LINGO2: variants seen among roughly 807,000 people sequenced by gnomAD.
LINGO2 encodes the protein leucine rich repeat and Ig domain containing 2, also known as leucine-rich repeat and immunoglobulin-like domain-containing nogo receptor-interacting protein 2.
In LINGO2, 14 loss-of-function variants were observed where a neutral mutation model predicts 30.6. That is an observed-to-expected ratio of 0.46 (90% CI 0.30 to 0.72). The LOEUF (loss-of-function observed/expected upper bound fraction) is 0.72. Among genes scored for constraint, LINGO2 ranks in the 30% least tolerant of loss-of-function variants. The pLI, the probability that LINGO2 is intolerant of heterozygous loss-of-function variation, is 0.07. For synonymous variants in LINGO2, 317 were observed against 288.5 expected (o/e 1.10, Z -1.00); for missense variants, 729 against 751.7 (o/e 0.97, Z 0.35).
chr9:28,161,103 C>T (rs1199613970), intron 4 of LINGO2, among the ~76,000 whole-genome samples: 2 of 152,162 alleles, frequency 1.3e-5, no homozygotes, highest in Non-Finnish European at 1.5e-5. Context: ...GGGCAAAATT[C>T]AAAGAATAAT....
At chr9:28,992,901 A>C in the LINGO2 span, among the ~76,000 whole-genome samples, 1 of 152,070 alleles carries the variant, frequency 6.6e-6, no homozygotes, top group Admixed American at 6.6e-5. Context: ...AAATGCCCAC[A>C]AGAGTAAGCA....
intron 1 of LINGO2, among the ~76,000 whole-genome samples, chr9:28,511,675 C>T (rs1820391606): frequency 6.6e-6 from 1 of 152,192 alleles, no homozygotes; most frequent in Non-Finnish European, 1.5e-5. Flanking sequence ...TCACATACCT[C>T]TTCCCCAAAT....
intron 3 of LINGO2, among the ~76,000 whole-genome samples, chr9:28,342,175 C>T (rs148594778): frequency 1.1e-3 from 174 of 152,238 alleles, no homozygotes; most frequent in African/African-American, 3.9e-3. Context: ...AAATCTGCCA[C>T]AAACCTCTCG....
At chr9:27,982,317 C>G (rs911496424) in intron 5 of LINGO2, among the ~76,000 whole-genome samples, 2 of 151,738 alleles carry the variant, frequency 1.3e-5, no homozygotes, top group Non-Finnish European at 2.9e-5. Context: ...GGAATGGGCT[C>G]TTTTGTATAA....
intron 4 of LINGO2, among the ~76,000 whole-genome samples, chr9:28,268,299 A>C (rs1471952559): frequency 6.6e-6 from 1 of 152,030 alleles, no homozygotes; most frequent in Admixed American, 6.6e-5. Flanking sequence ...ATTTTGAACT[A>C]GATTAGAAGA....
chr9:28,061,661 C>T (rs2133125563), intron 4 of LINGO2, among the ~76,000 whole-genome samples: 1 of 152,186 alleles, frequency 6.6e-6, no homozygotes, highest in East Asian at 1.9e-4. Context: ...ACAAGTTTCT[C>T]TCTAAAATTC....
chr9:28,561,791 C>T (rs1314289581), intron 1 of LINGO2, among the ~76,000 whole-genome samples: 19 of 91,684 alleles, frequency 2.1e-4, no homozygotes, highest in Non-Finnish European at 2.6e-4. Context: ...AAAAAATATG[C>T]TACTAGAACT....
chr9:28,964,497 G>T, the LINGO2 span, among the ~76,000 whole-genome samples: 1 of 151,902 alleles, frequency 6.6e-6, no homozygotes, highest in Non-Finnish European at 1.5e-5. Context: ...AGCTAGTTTG[G>T]GCAGACTATT....
At chr9:28,150,450 G>A (rs117530200) in intron 4 of LINGO2, among the ~76,000 whole-genome samples, 2,783 of 152,310 alleles carry the variant, frequency 0.018, 41 homozygotes, top group Non-Finnish European at 0.024. Context: ...CCGGCATGGC[G>A]GTTTGTGCCT....
chr9:28,024,434 G>GGCTCTTCT (rs775351789), intron 4 of LINGO2, among the ~76,000 whole-genome samples: 88 of 152,106 alleles, frequency 5.8e-4, no homozygotes, highest in Non-Finnish European at 7.5e-4. Context: ...ACAATCCAGT[G>GGCTCTTCT]GCTCTTCTTA....
At chr9:28,822,286 C>G in the LINGO2 span, among the ~76,000 whole-genome samples, 4 of 152,162 alleles carry the variant, frequency 2.6e-5, no homozygotes, top group African/African-American at 9.7e-5. Flanking sequence ...TCAAGTTTCT[C>G]AAGACATAAA....
At chr9:28,820,303 A>G in the LINGO2 span, among the ~76,000 whole-genome samples, 1 of 151,934 alleles carries the variant, frequency 6.6e-6, no homozygotes, top group Non-Finnish European at 1.5e-5. Context: ...TGTGTCACCC[A>G]CTGAGCAAGC....
chr9:28,625,034 C>T (rs1188014357), intron 1 of LINGO2, among the ~76,000 whole-genome samples: 2 of 152,076 alleles, frequency 1.3e-5, no homozygotes, highest in African/African-American at 2.4e-5. Flanking sequence ...CGAAGACCAG[C>T]CCAGCACTAG....
chr9:28,575,913 T>A (rs1428771825), intron 1 of LINGO2, among the ~76,000 whole-genome samples: 2 of 129,200 alleles, frequency 1.5e-5, no homozygotes, highest in Non-Finnish European at 3.3e-5. Flanking sequence ...ATAATTATCC[T>A]CTTAGCCTTG....
intron 5 of LINGO2, among the ~76,000 whole-genome samples, chr9:27,955,094 C>T (rs1819501686): frequency 6.6e-6 from 1 of 152,108 alleles, no homozygotes; most frequent in Non-Finnish European, 1.5e-5. Flanking sequence ...ATTATTTTGA[C>T]ATTCAAAAAG....
chr9:28,782,882 T>C, the LINGO2 span, among the ~76,000 whole-genome samples: 1 of 152,182 alleles, frequency 6.6e-6, no homozygotes. Flanking sequence ...AAACCTAAGA[T>C]GGCGCAGCCC....
the LINGO2 span, among the ~76,000 whole-genome samples, chr9:28,712,755 A>T: frequency 0.2 from 29,685 of 151,952 alleles, 3,401 homozygotes; most frequent in Admixed American, 0.33. Context: ...AACTATTTCA[A>T]ATATGTAGCA....
chr9:28,575,374 G>A (rs1210565223), intron 1 of LINGO2, among the ~76,000 whole-genome samples: 6 of 150,638 alleles, frequency 4.0e-5, no homozygotes, highest in East Asian at 2.0e-4. Context: ...ACTCCAGCCC[G>A]GGTGACAGAC....
the LINGO2 span, among the ~76,000 whole-genome samples, chr9:28,692,658 C>T: frequency 2.6e-5 from 4 of 152,186 alleles, no homozygotes; most frequent in East Asian, 7.7e-4. Context: ...AATATGATCT[C>T]TCCATACAAG....
Sources: allele counts gnomAD v4.1 joint callset (sites outside exome capture counted in the v4.1 genomes callset), GRCh38; gene constraint gnomAD v4.1.1; transcripts MANE v1.5; gene names NCBI Gene and HGNC (gene_info 2026-07-23, HGNC 2026-07-21).